SCOC: variants seen among roughly 807,000 people sequenced by gnomAD.
SCOC encodes short coiled coil protein.
A neutral mutation model predicts 9.9 loss-of-function variants in SCOC; 7 were observed. The observed-to-expected ratio is 0.71, with a 90% CI of 0.40 to 1.33. The LOEUF is 1.33. Ranked by LOEUF, SCOC falls within the 40% of genes most tolerant of loss-of-function variation. The pLI is 0.01. For synonymous variants in SCOC, 19 were observed against 28.2 expected, an observed-to-expected ratio of 0.67 and a Z score of 1.03; for missense variants, 66 against 89.7, an observed-to-expected ratio of 0.74 and a Z score of 1.07.
Position 140,332,359 on chromosome 4 carries a change from C to CTT in SCOC, c.-18-11233_-18-11232dup, listed in dbSNP as rs70943486. On this transcript the variant is annotated intron_variant, in intron 1 of 4. Coordinates refer to the SCOC transcript ENST00000394205. ...CTCATGCCAAAAACTCTGGAGTCAT[C>CTT]TTTTTTTTTTTTTTTTTTTTTTTTT... is the stretch of plus-strand genomic sequence containing the variant. Among the ~76,000 whole-genome samples the CTT allele has an allele frequency of 9.5e-3, 730 of 76,746 alleles. 78 individuals are homozygous for CTT. Among genetic ancestry groups the CTT allele is most frequent in the Middle Eastern group, 0.026 (3 of 116 alleles). The allele number at this position is 76,746 out of a possible 152,430, so 50.3% of individuals were successfully genotyped here. A position where few individuals can be genotyped will look rare whatever the true frequency, so the allele number is the denominator to read the frequency against.
chr4:140,265,975 G>A (rs1730721808), intron 1 of SCOC, among the ~76,000 whole-genome samples: 1 of 152,186 alleles, frequency 6.6e-6, no homozygotes, highest in East Asian at 1.9e-4. Flanking sequence ...CTTTGGCAGA[G>A]GTGCCCTCTG....
intron 1 of SCOC, among the ~76,000 whole-genome samples, chr4:140,335,623 A>G (rs999123559): frequency 6.6e-6 from 1 of 152,184 alleles, no homozygotes; most frequent in African/African-American, 2.4e-5. Flanking sequence ...CTCTCCGGGA[A>G]TCTCCTGATT....
At chr4:140,344,820 G>A (rs1445642142) in intron 2 of SCOC, among the ~76,000 whole-genome samples, 1 of 152,206 alleles carries the variant, frequency 6.6e-6, no homozygotes, top group East Asian at 1.9e-4. Flanking sequence ...GGCGAGATGA[G>A]CATGCGCATG....
rs908171334 is a variant in SCOC, at chr4:140,383,701, C to G, written c.*2597C>G. On this transcript the variant is annotated 3_prime_UTR_variant, in exon 4 of 4. Transcript: ENST00000608372. Reference sequence around the variant, plus strand: ...TGGGAATTGTGAAGACAGTCCACTTCCTGCTGGTGTGAATTTGGTGCCCAT... The same window carrying G: ...TGGGAATTGTGAAGACAGTCCACTTGCTGCTGGTGTGAATTTGGTGCCCAT... The G allele has an allele frequency of 6.6e-6, 1 of 152,180 alleles. No homozygotes were observed. Among genetic ancestry groups the G allele is most frequent in the Non-Finnish European group, 1.5e-5 (1 of 68,030 alleles). 9.4% of individuals were successfully genotyped at this position (152,180 alleles called of 1,614,324 possible).
At chr4:140,308,240 T>C (rs1317424169) in intron 1 of SCOC, among the ~76,000 whole-genome samples, 1 of 152,212 alleles carries the variant, frequency 6.6e-6, no homozygotes, top group East Asian at 1.9e-4. Flanking sequence ...AGTGCTGAGA[T>C]TGGCCCATAT....
chr4:140,317,678 T>G (rs1469665149), intron 1 of SCOC, among the ~76,000 whole-genome samples: 1 of 145,286 alleles, frequency 6.9e-6, no homozygotes, highest in Non-Finnish European at 1.5e-5. Flanking sequence ...TTTATTTATT[T>G]TATTTGTATT....
chr4:140,345,120 G>A (rs1726674955), intron 2 of SCOC, among the ~76,000 whole-genome samples: 1 of 152,092 alleles, frequency 6.6e-6, no homozygotes, highest in African/African-American at 2.4e-5. Context: ...TTTTGAGAAG[G>A]GCTGCATAGG....
chr4:140,262,144 T>C (rs1417774549), intron 1 of SCOC, among the ~76,000 whole-genome samples: 2 of 152,196 alleles, frequency 1.3e-5, no homozygotes, highest in East Asian at 3.9e-4. Flanking sequence ...GCTTTGAATA[T>C]TTCCATGTAG....
At chr4:140,367,893 A>G (rs1727870509) in intron 2 of SCOC, among the ~76,000 whole-genome samples, 1 of 152,170 alleles carries the variant, frequency 6.6e-6, no homozygotes, top group African/African-American at 2.4e-5. Context: ...ACCAGCAAAG[A>G]TTGACTCTTA....
intron 1 of SCOC, among the ~76,000 whole-genome samples, chr4:140,326,646 C>A (rs994093289): frequency 4.9e-5 from 1 of 20,486 alleles, no homozygotes; most frequent in Non-Finnish European, 3.8e-4. Context: ...TAGGCAGACC[C>A]CCCCCCCTAC....
intron 1 of SCOC, among the ~76,000 whole-genome samples, chr4:140,307,056 G>A (rs1455384625): frequency 6.6e-6 from 1 of 152,126 alleles, no homozygotes; most frequent in Admixed American, 6.5e-5. Flanking sequence ...TTATACAAGA[G>A]GCCCAAGGGA....
Position 140,345,208 on chromosome 4 carries a change from T to C in SCOC, c.70+1500T>C, listed in dbSNP as rs560914235. Among the ~76,000 whole-genome samples the C allele has an allele frequency of 5.8e-4, 89 of 152,150 alleles. 1 individual carries two copies. Among genetic ancestry groups the C allele is most frequent in the African/African-American group, 1.9e-3 (80 of 41,512 alleles). On this transcript the variant is annotated intron_variant, in intron 2 of 4. Coordinates refer to the SCOC transcript ENST00000338517. Reference sequence around the variant, plus strand: ...GAAAGAGTGAGCAACGCTCTCTGGTTGGTAGTGAGAGTGCCGGCAACCACA... The same window carrying C: ...GAAAGAGTGAGCAACGCTCTCTGGTCGGTAGTGAGAGTGCCGGCAACCACA...
intron 1 of SCOC, among the ~76,000 whole-genome samples, chr4:140,282,642 G>A (rs77269735): frequency 6.6e-6 from 1 of 152,196 alleles, no homozygotes; most frequent in South Asian, 2.1e-4. Flanking sequence ...CTATAGGGGG[G>A]CGATGCTCCT....
At chr4:140,355,295 C>T (rs985461629) in intron 2 of SCOC, among the ~76,000 whole-genome samples, 16 of 148,460 alleles carry the variant, frequency 1.1e-4, no homozygotes, top group Non-Finnish European at 1.6e-4. Flanking sequence ...CTGACTAATA[C>T]AGTCTCTTAG....
At chr4:140,373,502 T>G, upstream of SCOC, 5 of 1,551,634 alleles carry the variant, frequency 3.2e-6, no homozygotes, top group Non-Finnish European at 4.4e-6. Context: ...TCCCGGTGCT[T>G]TGAGATTGGA....
intron 1 of SCOC, among the ~76,000 whole-genome samples, chr4:140,268,433 G>C (rs563668109): frequency 6.6e-6 from 1 of 152,270 alleles, no homozygotes; most frequent in Admixed American, 6.5e-5. Context: ...AAGAAATGAT[G>C]ATAAAAGTGA....
intron 2 of SCOC, among the ~76,000 whole-genome samples, chr4:140,362,116 C>A (rs938988959): frequency 6.6e-6 from 1 of 151,496 alleles, no homozygotes; most frequent in African/African-American, 2.4e-5. Flanking sequence ...AGTTTTCTGC[C>A]TTCACTGAAG....
chr4:140,347,745 TC>T (rs1726799546), intron 2 of SCOC, among the ~76,000 whole-genome samples: 1 of 152,204 alleles, frequency 6.6e-6, no homozygotes, highest in Non-Finnish European at 1.5e-5. Context: ...ATAATTTTTT[TC>T]CCCTACTTTT....
At chr4:140,276,327 C>G (rs1730979836) in intron 1 of SCOC, among the ~76,000 whole-genome samples, 1 of 151,888 alleles carries the variant, frequency 6.6e-6, no homozygotes, top group Middle Eastern at 3.4e-3. Context: ...TTAGTAGAGA[C>G]AGGGTTTCAC....
Sources: allele counts gnomAD v4.1 joint callset (sites outside exome capture counted in the v4.1 genomes callset), GRCh38; gene constraint gnomAD v4.1.1; transcripts MANE v1.5; gene names NCBI Gene and HGNC (gene_info 2026-07-23, HGNC 2026-07-21).